Variants in CERS3 observed in about 807,000 individuals in gnomAD.
The protein encoded by CERS3 is ceramide synthase 3.
A neutral mutation model predicts 50.3 loss-of-function variants in CERS3; 33 were observed. That is an observed-to-expected ratio of 0.66 (90% confidence interval 0.50 to 0.88). CERS3 has a LOEUF of 0.88. CERS3 is among the 40% of genes least tolerant of loss of function. CERS3 has a pLI of 0.00. For missense variants in CERS3, 470 were observed against 460.3 expected, an observed-to-expected ratio of 1.02 and a Z score of -0.19; for synonymous variants, 176 against 155.2, an observed-to-expected ratio of 1.13 and a Z score of -0.99.
chr15:100,465,382 C>T (rs556000862), intron 10 of CERS3, among the ~76,000 whole-genome samples: 9 of 152,260 alleles, frequency 5.9e-5, no homozygotes, highest in African/African-American at 2.2e-4. Flanking sequence ...GCCAAGCTAA[C>T]AACAAGGAAC....
At chr15:100,434,391 G>A (rs2033293040) in intron 11 of CERS3, among the ~76,000 whole-genome samples, 1 of 152,212 alleles carries the variant, frequency 6.6e-6, no homozygotes, top group African/African-American at 2.4e-5. Context: ...CATGCGTGCT[G>A]TTCCCAAATC....
intron 8 of CERS3, among the ~76,000 whole-genome samples, chr15:100,474,413 C>CT (rs146346575): frequency 0.19 from 28,297 of 148,490 alleles, 2,808 homozygotes; most frequent in Admixed American, 0.28. Context: ...TCTTTTTTTT[C>CT]TTTTTTTTTT....
At chr15:100,495,434 G>T (rs377392220) in intron 3 of CERS3, among the ~76,000 whole-genome samples, 1 of 152,072 alleles carries the variant, frequency 6.6e-6, no homozygotes, top group African/African-American at 2.4e-5. Flanking sequence ...CTAGTTTTCT[G>T]GTTGCTTTTA....
At chr15:100,503,217 G>A (rs899293609) in intron 2 of CERS3, among the ~76,000 whole-genome samples, 1 of 152,174 alleles carries the variant, frequency 6.6e-6, no homozygotes, top group Non-Finnish European at 1.5e-5. Flanking sequence ...ATAACAAGGC[G>A]CACATAGAAA....
intron 10 of CERS3, among the ~76,000 whole-genome samples, chr15:100,456,701 C>T (rs973857360): frequency 6.6e-6 from 1 of 152,186 alleles, no homozygotes; most frequent in Admixed American, 6.5e-5. Flanking sequence ...AATACCAGCA[C>T]TTTGGGAGGC....
In CERS3 at chr15:100,433,125, G is replaced by T. The variant is rs189122698; in HGVS notation, c.999+22768C>A. Reference sequence around the variant, plus strand: ...GTGGCGGGTACCTGTAGTCCCAGCTGCTCAGGAAGCTGAGGCAGGAGAATC... The same window carrying T: ...GTGGCGGGTACCTGTAGTCCCAGCTTCTCAGGAAGCTGAGGCAGGAGAATC... On this transcript the variant is annotated intron_variant, in intron 11 of 11. Coordinates refer to ENST00000679737, the MANE Select transcript of CERS3 (RefSeq NM_001378789.1). Among the ~76,000 whole-genome samples the T allele has an allele frequency of 7.2e-3, 1,098 of 151,802 alleles. 22 individuals are homozygous for T. Among genetic ancestry groups the T allele is most frequent in the Admixed American group, 0.048 (733 of 15,232 alleles).
Position 100,402,595 on chromosome 15 carries a change from G to T in CERS3, c.*118C>A. 2.1e-6 allele frequency: 2 copies of T among 945,186 alleles called. No individual in the cohort carries two copies. Among genetic ancestry groups the T allele is most frequent in the East Asian group, 2.5e-5 (1 of 39,688 alleles). 58.5% of individuals were successfully genotyped at this position (945,186 alleles called of 1,614,324 possible). On this transcript the variant is annotated 3_prime_UTR_variant, in exon 12 of 12. Coordinates refer to ENST00000679737, the MANE Select transcript of CERS3 (RefSeq NM_001378789.1). ...TTGGTAAACACATCTTAGGTGGGAGGGAAGGCGGTGGTGAGAAAGAGGGAA... is the reference window on the plus strand; with the variant it reads ...TTGGTAAACACATCTTAGGTGGGAGTGAAGGCGGTGGTGAGAAAGAGGGAA...
rs576875050 is a variant in CERS3 at position 100,436,461 on chromosome 15, G to A, written c.999+19432C>T. On this transcript the variant is annotated intron_variant, in intron 11 of 11. Transcript: ENST00000679737. ...CACAGGGAGGGGAACATCACACACC[G>A]AGGCCTATCGGGGCTGGGGGGCAAG... Among the ~76,000 whole-genome samples, 32 of 152,202 alleles carry A rather than the reference G, an allele frequency of 2.1e-4. 1 individual carries two copies. Among genetic ancestry groups the A allele is most frequent in the Middle Eastern group, 3.4e-3 (1 of 294 alleles).
intron 1 of CERS3, chr15:100,544,280 G>A (rs1003360142): frequency 1.3e-5 from 2 of 152,088 alleles, no homozygotes; most frequent in East Asian, 1.9e-4. Context: ...CCCAGTACAC[G>A]GGGGCTGCCG....
intron 8 of CERS3, among the ~76,000 whole-genome samples, chr15:100,474,605 A>G (rs898407285): frequency 3.3e-5 from 5 of 152,142 alleles, no homozygotes; most frequent in African/African-American, 7.2e-5. Flanking sequence ...GGATTTCACC[A>G]TGTTGGCCAG....
At chr15:100,414,903 A>C (rs1375917055) in intron 11 of CERS3, among the ~76,000 whole-genome samples, 1 of 152,076 alleles carries the variant, frequency 6.6e-6, no homozygotes, top group African/African-American at 2.4e-5. Context: ...AGACACCAAA[A>C]GCAATTGCAA....
intron 11 of CERS3, among the ~76,000 whole-genome samples, chr15:100,441,324 G>A (rs923001941): frequency 1.4e-5 from 2 of 143,398 alleles, no homozygotes; most frequent in Admixed American, 1.4e-4. Context: ...TCTTATCTCT[G>A]TGCCCCGATC....
At chr15:100,484,711 G>C (rs2035436915) in intron 4 of CERS3, 43 bp from the exon 5 acceptor site, 3 of 1,382,574 alleles carry the variant, frequency 2.2e-6, no homozygotes, top group Non-Finnish European at 1.0e-6. Context: ...AAAGAACAGA[G>C]TCAGACTGGC....
At chr15:100,468,500 G>T (rs2034858330) in intron 10 of CERS3, among the ~76,000 whole-genome samples, 1 of 152,228 alleles carries the variant, frequency 6.6e-6, no homozygotes, top group Non-Finnish European at 1.5e-5. Context: ...CTGGATGCCA[G>T]CCAAGGGTGC....
chr15:100,486,640 T>C (rs984743565), intron 4 of CERS3, among the ~76,000 whole-genome samples: 3 of 152,252 alleles, frequency 2.0e-5, no homozygotes, highest in African/African-American at 7.2e-5. Flanking sequence ...TCAAATTCTG[T>C]TGGCTGGTGC....
At chr15:100,407,295 C>T (rs1161473501) in intron 11 of CERS3, among the ~76,000 whole-genome samples, 1 of 152,240 alleles carries the variant, frequency 6.6e-6, no homozygotes, top group African/African-American at 2.4e-5. Context: ...CTCCCAACCA[C>T]ACACCCTCCA....
intron 11 of CERS3, among the ~76,000 whole-genome samples, chr15:100,425,097 A>G (rs896383212): frequency 6.6e-6 from 1 of 152,176 alleles, no homozygotes; most frequent in Non-Finnish European, 1.5e-5. Context: ...GATGTACGGA[A>G]ATGCCTAGAC....
At chr15:100,506,917 A>T (rs771670920) in intron 2 of CERS3, among the ~76,000 whole-genome samples, 6 of 152,210 alleles carry the variant, frequency 3.9e-5, no homozygotes, top group Non-Finnish European at 8.8e-5. Flanking sequence ...TGCACACGTT[A>T]AATGGGTGAA....
upstream of CERS3, among the ~76,000 whole-genome samples, chr15:100,533,460 T>C (rs548577542): frequency 2.0e-5 from 3 of 152,298 alleles, no homozygotes; most frequent in East Asian, 1.9e-4. Flanking sequence ...TAGTTACTTT[T>C]TGAGGACCAA....
Sources: allele counts gnomAD v4.1 joint callset (sites outside exome capture counted in the v4.1 genomes callset), GRCh38; gene constraint gnomAD v4.1.1; transcripts MANE v1.5; gene names NCBI Gene and HGNC (gene_info 2026-07-23, HGNC 2026-07-21).